The following ABCC3 variants were observed in gnomAD, a reference collection of about 807,000 sequenced individuals.
The protein encoded by ABCC3 is ATP-binding cassette sub-family C member 3.
ABCC3 carries 121 observed loss-of-function variants against 165.3 expected under a neutral mutation model. The ratio of observed to expected loss-of-function variants is 0.73; its 90% CI spans 0.63 to 0.85. The LOEUF (loss-of-function observed/expected upper bound fraction) is 0.85, where lower values mean the gene tolerates loss of function less well. Ranked by LOEUF, ABCC3 falls within the 40% of genes least tolerant of loss-of-function variation. ABCC3 has a pLI of 0.00. For missense variants in ABCC3, 1,869 were observed against 1,964.1 expected (o/e 0.95, Z 0.92); for synonymous variants, 733 against 810.1 (o/e 0.90, Z 1.62).
intron 1 of ABCC3, among the ~76,000 whole-genome samples, chr17:50,639,128 ACTC>A (rs887521050): frequency 4.6e-5 from 7 of 151,754 alleles, no homozygotes; most frequent in Non-Finnish European, 7.4e-5. Context: ...GGAGGTAGAC[ACTC>A]CTCCGCTTAG....
In ABCC3 at chr17:50,675,422, C is replaced by T. The variant is rs35892518; in HGVS notation, c.2660C>T (p.Thr887Met). The stretch of plus-strand genomic sequence containing the variant: ...ATTGAAGACACACTCAGCAACCACA[C>T]GGATCTGACAGACAATGATCCAGTC... ...LLIEDTLSNH[T>M]DLTDNDPVTY... Residue 887 changes from threonine to methionine, a missense_variant, in exon 20 of 31, where the codon ACG becomes ATG. Coordinates refer to ENST00000285238, the MANE Select transcript of ABCC3 (RefSeq NM_003786.4). The T allele has an allele frequency of 1.2e-4, 188 of 1,614,078 alleles. No homozygotes were observed. The highest frequency in any genetic ancestry group is 8.8e-4 in the South Asian group (80 of 91,068).
chr17:50,664,915 T>C (rs552286593), intron 10 of ABCC3, among the ~76,000 whole-genome samples: 1 of 152,270 alleles, frequency 6.6e-6, no homozygotes, highest in South Asian at 2.1e-4. Context: ...TGCCTTCCTG[T>C]GTGTCTGGAC....
intron 14 of ABCC3, 41 bp from the exon 15 acceptor site, chr17:50,668,812 T>A (rs1967580868): frequency 6.4e-7 from 1 of 1,573,544 alleles, no homozygotes; most frequent in Admixed American, 1.7e-5. Context: ...ACCCCATCCC[T>A]TGAGCTCCCT....
chr17:50,656,259 T>C (rs1967244090), intron 2 of ABCC3, among the ~76,000 whole-genome samples: 1 of 152,132 alleles, frequency 6.6e-6, no homozygotes, highest in Non-Finnish European at 1.5e-5. Flanking sequence ...CTAATTTTTG[T>C]ATTTTTAGTA....
intron 7 of ABCC3, among the ~76,000 whole-genome samples, chr17:50,660,266 G>T (rs186164501): frequency 6.6e-6 from 1 of 152,250 alleles, no homozygotes; most frequent in East Asian, 1.9e-4. Context: ...CTCTTATCAA[G>T]GACCACAAAC....
At chr17:50,642,038 G>A (rs373151063) in intron 1 of ABCC3, among the ~76,000 whole-genome samples, 47 of 152,042 alleles carry the variant, frequency 3.1e-4, no homozygotes, top group African/African-American at 4.6e-4. Context: ...CTGTCATGCC[G>A]TTCAACCTGT....
At chr17:50,649,981 G>A (rs1448155957) in intron 1 of ABCC3, among the ~76,000 whole-genome samples, 2 of 152,176 alleles carry the variant, frequency 1.3e-5, no homozygotes, top group Admixed American at 6.5e-5. Context: ...GTAGAACACA[G>A]AATCTTTGTT....
rs1234978009 is a variant in ABCC3 at position 50,690,969 on chromosome 17, G to C, written c.4476-123G>C. On this transcript the variant is annotated intron_variant, in intron 30 of 30. Coordinates refer to ENST00000285238, the MANE Select transcript of ABCC3 (RefSeq NM_003786.4). Reference sequence around the variant, plus strand: ...TGCAAGTGTGCACATGTGGTGCGGTGGCTGTGTTGGGTGGGTTGGCATGTC... The same window carrying C: ...TGCAAGTGTGCACATGTGGTGCGGTCGCTGTGTTGGGTGGGTTGGCATGTC... The C allele has an allele frequency of 5.9e-6, 4 of 673,510 alleles. No individual in the cohort carries two copies. In the Admixed American group the frequency reaches 9.5e-5, roughly 16 times the overall value. The allele number at this position is 673,510 out of a possible 1,614,324, so 41.7% of individuals were successfully genotyped here.
At position 50,655,962 on chromosome 17, in the gene ABCC3, A is replaced by G. The variant is rs745495349; in HGVS notation, c.176A>G (p.His59Arg). 3 of 1,613,910 alleles carry G rather than the reference A, an allele frequency of 1.9e-6. No individual in the cohort carries two copies. The highest frequency in any genetic ancestry group is 1.1e-5 in the South Asian group (1 of 91,062). ...LPCYLLYLRHHCRGYIILSHL... is the reference protein window; with the variant it reads ...LPCYLLYLRHRCRGYIILSHL... Reference sequence around the variant, plus strand: ...TGCTACTTGCTCTACCTGCGGCACCATTGTCGTGGCTACATCATCCTCTCC... The same window carrying G: ...TGCTACTTGCTCTACCTGCGGCACCGTTGTCGTGGCTACATCATCCTCTCC... The change falls in exon 2 of 31, where the codon CAT (histidine) becomes CGT (arginine). Residue 59 changes from histidine to arginine, a missense_variant. Transcript: ENST00000285238.
chr17:50,680,003 C>A lies in ABCC3; in HGVS notation c.3807+104C>A, dbSNP rs1597860261. On this transcript the variant is annotated intron_variant, in intron 26 of 30. Transcript: ENST00000285238. ...ACATCAGGGCCTGCCACGTATGGGGCTCTTCATTCATTTACCCATTCACTC... is the reference window on the plus strand; with the variant it reads ...ACATCAGGGCCTGCCACGTATGGGGATCTTCATTCATTTACCCATTCACTC... 2.3e-5 allele frequency: 18 copies of A among 784,008 alleles called. No homozygotes were observed. The South Asian group carries it at 2.7e-4, about 12-fold the overall frequency. The allele number at this position is 784,008 out of a possible 1,614,324, so 48.6% of individuals were successfully genotyped here.
rs371532369 is a variant in ABCC3, at chr17:50,683,618, G to T, written c.3816G>T (p.Trp1272Cys). The stretch of plus-strand genomic sequence containing the variant: ...TCTGCCCCTCCTGCCAGGCGCCCTG[G>T]GTGGTGGAAGGCAGCCGCCCTCCCG... ...EYSKTETEAP[W>C]VVEGSRPPEG... is the part of the protein sequence containing the mutation. Residue 1272 changes from tryptophan (W) to cysteine (C), a missense_variant, in exon 27 of 31, where the codon TGG (tryptophan) becomes TGT (cysteine). By Grantham distance (215) the Trp-to-Cys change is radical (BLOSUM62 -2). Transcript: ENST00000285238. 2.5e-5 allele frequency: 39 copies of T among 1,575,446 alleles called. No homozygotes were observed. The highest frequency in any genetic ancestry group is 3.4e-5 in the Non-Finnish European group (39 of 1,161,556).
At position 50,661,096 on chromosome 17, in the gene ABCC3, T is replaced by C. The variant is rs200779271; in HGVS notation, c.980T>C (p.Ile327Thr). 5.6e-5 allele frequency: 91 copies of C among 1,613,614 alleles called. 1 individual carries two copies. The highest frequency in any genetic ancestry group is 2.8e-4 in the African/African-American group (21 of 75,054). Residue 327 changes from isoleucine to threonine, a missense_variant, in exon 8 of 31, where the codon ATC (isoleucine) becomes ACC (threonine). Physicochemically the swap from Ile to Thr is moderately conservative, Grantham distance 89. Coordinates refer to ENST00000285238, the MANE Select transcript of ABCC3 (RefSeq NM_003786.4). Reference sequence around the variant, plus strand: ...CTTATCCAGGACCTGCTCTCCTTCATCAATCCACAGCTGCTCAGGTCTCTC... The same window carrying C: ...CTTATCCAGGACCTGCTCTCCTTCACCAATCCACAGCTGCTCAGGTCTCTC... ...FKLIQDLLSF[I>T]NPQLLSILIR...
At position 50,667,921 on chromosome 17, in the gene ABCC3, C is replaced by T; in HGVS notation, c.1694C>T (p.Ala565Val). 6.2e-7 allele frequency: 1 copy of T among 1,614,178 alleles called. No individual in the cohort carries two copies. The highest frequency in any genetic ancestry group is 1.1e-5 in the South Asian group (1 of 91,074). The change falls in exon 13 of 31, where the codon GCC (alanine) becomes GTC (valine). Residue 565 changes from alanine (A) to valine (V), a missense_variant. Physicochemically the swap from Ala to Val is moderately conservative, Grantham distance 64. Coordinates refer to ENST00000285238, the MANE Select transcript of ABCC3 (RefSeq NM_003786.4). ...VYVDPNNVLD[A>V]EKAFVSVSLF... ...GTGGACCCAAACAATGTGCTGGACG[C>T]CGAGAAGGCCTTTGTGTCTGTGTCC...
chr17:50,663,487 G>T, intron 8 of ABCC3, 194 bp from the exon 9 acceptor site: 1 of 618,678 alleles, frequency 1.6e-6, no homozygotes, highest in Non-Finnish European at 2.8e-6. Flanking sequence ...ACGAGGTGAA[G>T]GCAGAGTGGA....
At chr17:50,639,063 T>C (rs1397034157) in intron 1 of ABCC3, among the ~76,000 whole-genome samples, 1 of 152,214 alleles carries the variant, frequency 6.6e-6, no homozygotes, top group Non-Finnish European at 1.5e-5. Context: ...TATGCCAATG[T>C]ATTTTGACTC....
intron 25 of ABCC3, among the ~76,000 whole-genome samples, chr17:50,678,428 C>A (rs557991642): frequency 6.6e-6 from 1 of 152,280 alleles, no homozygotes; most frequent in East Asian, 1.9e-4. Flanking sequence ...TTCCTACTTT[C>A]CTTCCCCAAG....
At chr17:50,673,707 C>A (rs1250239013) in intron 19 of ABCC3, 49 bp downstream of exon 19, 4 of 1,582,440 alleles carry the variant, frequency 2.5e-6, no homozygotes, top group Admixed American at 3.4e-5. Context: ...CCAGCATTCC[C>A]CCTGTCTGGG....
At chr17:50,662,671 C>T (rs1181288708) in intron 8 of ABCC3, among the ~76,000 whole-genome samples, 1 of 147,218 alleles carries the variant, frequency 6.8e-6, no homozygotes, top group African/African-American at 2.5e-5. Context: ...GAGAGAGAGA[C>T]ACCAGTCACT....
chr17:50,689,945 A>G (rs981738126), intron 30 of ABCC3, among the ~76,000 whole-genome samples: 3 of 152,114 alleles, frequency 2.0e-5, no homozygotes, highest in African/African-American at 7.2e-5. Context: ...TCAAATAATC[A>G]TGTGTAAATA....
Sources: gnomAD v4.1 joint callset for allele counts (sites outside exome capture counted in the v4.1 genomes callset) on GRCh38, gnomAD v4.1.1 for gene constraint, MANE v1.5 for transcripts, NCBI Gene and HGNC (gene_info 2026-07-23, HGNC 2026-07-21) for gene names.